Variants in ADGRL3 observed in about 807,000 individuals in gnomAD.
The protein encoded by ADGRL3 is adhesion G protein-coupled receptor L3.
Under a neutral mutation model 153.5 loss-of-function variants are expected in ADGRL3, and 62 were observed. That is an observed-to-expected ratio of 0.40 (90% confidence interval 0.33 to 0.50). The LOEUF (loss-of-function observed/expected upper bound fraction) is 0.50, where lower values mean the gene tolerates loss of function less well. ADGRL3 is among the 20% of genes least tolerant of loss of function. ADGRL3 has a pLI of 0.47. For synonymous variants in ADGRL3, 710 were observed against 672.5 expected, an observed-to-expected ratio of 1.06 and a Z score of -0.86; for missense variants, 1,641 against 1,859.4, an observed-to-expected ratio of 0.88 and a Z score of 2.16.
intron 20 of ADGRL3, among the ~76,000 whole-genome samples, chr4:61,997,221 T>C (rs1250080244): frequency 6.7e-6 from 1 of 150,192 alleles, no homozygotes; most frequent in Non-Finnish European, 1.5e-5. Context: ...GGCAGCACTC[T>C]GTAATCAAAT....
intron 8 of ADGRL3, among the ~76,000 whole-genome samples, chr4:61,793,087 G>T (rs1353754472): frequency 1.3e-5 from 2 of 152,090 alleles, no homozygotes; most frequent in African/African-American, 4.8e-5. Context: ...GATGGAGGCA[G>T]GGAAAGACAG....
intron 21 of ADGRL3, among the ~76,000 whole-genome samples, chr4:62,026,010 A>AG: frequency 6.6e-6 from 1 of 152,286 alleles, no homozygotes; most frequent in Middle Eastern, 3.4e-3. Context: ...TAGATTATCT[A>AG]GGCCAGTAGA....
At chr4:61,654,888 C>A (rs1229023720) in intron 5 of ADGRL3, among the ~76,000 whole-genome samples, 1 of 152,010 alleles carries the variant, frequency 6.6e-6, no homozygotes, top group Non-Finnish European at 1.5e-5. Context: ...CAGAGCGAGA[C>A]TCCATCTCAA....
intron 17 of ADGRL3, among the ~76,000 whole-genome samples, chr4:61,969,915 CT>C (rs1291503229): frequency 6.6e-6 from 1 of 152,166 alleles, no homozygotes; most frequent in Non-Finnish European, 1.5e-5. Flanking sequence ...TTGTACATTT[CT>C]TTTAACCTTC....
In ADGRL3 at chr4:62,070,195, A is replaced by G; in HGVS notation, c.3919A>G (p.Ser1307Gly). ...CCATGGCAATAGTTACAGCATTGCC[A>G]GCGGCGAATACCTGAGCAACTGTGT... is the stretch of plus-strand genomic sequence containing the variant. ...GNHGNSYSIA[S>G]GEYLSNCVQI... The change falls in exon 27 of 27, where the codon AGC (serine) becomes GGC (glycine). Residue 1307 changes from serine (S) to glycine (G), a missense_variant. Around this residue, in one of 5 missense-constraint regions of ADGRL3, gnomAD observed 517 missense variants for 555.0 expected, o/e 0.93. Transcript: ENST00000683033. The G allele has an allele frequency of 6.2e-7, 1 of 1,614,034 alleles. No homozygotes were observed. The highest frequency in any genetic ancestry group is 1.3e-5 in the African/African-American group (1 of 75,012).
chr4:62,010,374 G>T (rs2151238989), intron 21 of ADGRL3, among the ~76,000 whole-genome samples: 1 of 152,088 alleles, frequency 6.6e-6, no homozygotes, highest in East Asian at 1.9e-4. Context: ...AGATTCCAAG[G>T]GCTTTAGGAG....
chr4:61,203,836 A>G lies in ADGRL3; in HGVS notation c.-240+2071A>G, dbSNP rs575748864. On this transcript the variant is annotated intron_variant, in intron 1 of 26. Transcript: ENST00000683033. ...TCTCAGCTCTTTTATAATCACCAAA[A>G]TAGGATACCAGATAATTTGTATAGG... Among the ~76,000 whole-genome samples the G allele has an allele frequency of 3.9e-5, 6 of 152,316 alleles. No homozygotes were observed. The South Asian group carries it at 1.0e-3, about 26-fold the overall frequency.
chr4:61,869,952 A>AAAAAAAAAAAAAAAT (rs2098428316), intron 9 of ADGRL3, among the ~76,000 whole-genome samples: 1 of 112,232 alleles, frequency 8.9e-6, no homozygotes, highest in Non-Finnish European at 1.9e-5. Context: ...AAAAAAAAAA[A>AAAAAAAAAAAAAAAT]AAAAAAAAAG....
chr4:61,668,961 G>A (rs1046471621), intron 5 of ADGRL3, among the ~76,000 whole-genome samples: 17 of 152,272 alleles, frequency 1.1e-4, no homozygotes, highest in African/African-American at 4.1e-4. Flanking sequence ...CGAAGATGCA[G>A]TGAGTTAAGA....
chr4:61,298,772 G>A (rs1303027957), intron 1 of ADGRL3, among the ~76,000 whole-genome samples: 4 of 152,120 alleles, frequency 2.6e-5, no homozygotes, highest in Non-Finnish European at 5.9e-5. Context: ...TTGACAGGTA[G>A]GGAAAAGCAG....
At position 62,073,474 on chromosome 4, in the gene ADGRL3, A is replaced by G. The variant is rs1261769398; in HGVS notation, c.*2566A>G. 1.3e-5 allele frequency: 2 copies of G among 152,126 alleles called. No homozygotes were observed. The highest frequency in any genetic ancestry group is 3.9e-4 in the East Asian group (2 of 5,184). The allele number at this position is 152,126 out of a possible 1,614,324, so 9.4% of individuals were successfully genotyped here. ...AAAAGAATCCTTTTTAGATGTGTTT[A>G]TGGTAACTTCAGAAACACAAATGTG... On this transcript the variant is annotated 3_prime_UTR_variant, in exon 27 of 27. Transcript: ENST00000683033.
At chr4:61,392,506 T>C (rs796143202) in intron 2 of ADGRL3, among the ~76,000 whole-genome samples, 8 of 150,304 alleles carry the variant, frequency 5.3e-5, no homozygotes, top group African/African-American at 1.9e-4. Context: ...GCCAACATGG[T>C]GAAACCCCAT....
chr4:61,201,491 T>C lies in ADGRL3; in HGVS notation c.-514T>C, dbSNP rs1426976923. ...AGGAACGTAAAGGAAGGCGAACATTTGGCTCTCTTTTTCCTTCCCCTTTCT... is the reference window on the plus strand; with the variant it reads ...AGGAACGTAAAGGAAGGCGAACATTCGGCTCTCTTTTTCCTTCCCCTTTCT... On this transcript the variant is annotated 5_prime_UTR_variant, in exon 1 of 27. Coordinates refer to ENST00000683033, the MANE Select transcript of ADGRL3 (RefSeq NM_001387552.1). 6.6e-6 allele frequency: 1 copy of C among 152,264 alleles called. No individual in the cohort carries two copies. The highest frequency in any genetic ancestry group is 1.5e-5 in the Non-Finnish European group (1 of 68,088). 9.4% of individuals were successfully genotyped at this position (152,264 alleles called of 1,614,324 possible).
rs60189277 is a variant in ADGRL3, at chr4:61,987,104, CTTTTATTTTATTTTATTTTA to C, written c.3236+3530_3236+3549del. ...CAGTTTCTCTTGCTGTTGTATATTG[CTTTTATTTTATTTTATTTTA>C]TTTTATTTTATTTTATTTTATTTTA... On this transcript the variant is annotated intron_variant, in intron 19 of 26. Coordinates refer to ENST00000683033, the MANE Select transcript of ADGRL3 (RefSeq NM_001387552.1). Among the ~76,000 whole-genome samples the C allele has an allele frequency of 1.9e-3, 274 of 141,164 alleles. 1 individual carries two copies. The highest frequency in any genetic ancestry group is 3.4e-3 in the African/African-American group (129 of 38,260). 92.6% of individuals were successfully genotyped at this position (141,164 alleles called of 152,430 possible).
intron 1 of ADGRL3, among the ~76,000 whole-genome samples, chr4:61,310,575 A>G (rs956336821): frequency 6.6e-6 from 1 of 152,126 alleles, no homozygotes; most frequent in African/African-American, 2.4e-5. Context: ...AAGAATTATT[A>G]GTTTTCTCAA....
At chr4:62,000,155 T>C (rs932694124) in intron 21 of ADGRL3, among the ~76,000 whole-genome samples, 5 of 151,746 alleles carry the variant, frequency 3.3e-5, no homozygotes, top group Non-Finnish European at 5.9e-5. Context: ...ATTATGTATT[T>C]AAATACTATC....
chr4:61,667,737 T>A (rs1266434617), intron 5 of ADGRL3, among the ~76,000 whole-genome samples: 1 of 152,210 alleles, frequency 6.6e-6, no homozygotes, highest in Non-Finnish European at 1.5e-5. Flanking sequence ...AATTTCATTG[T>A]GATAAAAGCA....
chr4:61,315,843 T>C (rs543529053), intron 1 of ADGRL3, among the ~76,000 whole-genome samples: 34 of 152,292 alleles, frequency 2.2e-4, no homozygotes, highest in Admixed American at 1.2e-3. Flanking sequence ...CCAAATGAAC[T>C]TGTAGACTAA....
intron 8 of ADGRL3, among the ~76,000 whole-genome samples, chr4:61,795,494 A>G (rs2097399236): frequency 6.6e-6 from 1 of 152,174 alleles, no homozygotes; most frequent in African/African-American, 2.4e-5. Flanking sequence ...TATTCTTTCC[A>G]GTTCATATGT....
Sources: allele counts gnomAD v4.1 joint callset (sites outside exome capture counted in the v4.1 genomes callset), GRCh38; gene constraint gnomAD v4.1.1; regional missense constraint gnomAD v4.1.1; transcripts MANE v1.5; gene names NCBI Gene and HGNC (gene_info 2026-07-23, HGNC 2026-07-21).